The following MAGI1 variants were observed in gnomAD, a reference collection of about 807,000 sequenced individuals.
MAGI1 encodes membrane associated guanylate kinase, WW and PDZ domain containing 1.
MAGI1 carries 58 observed loss-of-function variants against 139.9 expected under a neutral mutation model. The ratio of observed to expected loss-of-function variants is 0.41; its 90% confidence interval spans 0.34 to 0.52. The LOEUF (loss-of-function observed/expected upper bound fraction) is 0.52, where lower values mean the gene tolerates loss of function less well. Among genes scored for constraint, MAGI1 ranks in the 20% least tolerant of loss-of-function variants. The pLI is 0.12. For synonymous variants in MAGI1, 812 were observed against 737.9 expected, an observed-to-expected ratio of 1.10 and a Z score of -1.63; for missense variants, 1,874 against 1,901.6, an observed-to-expected ratio of 0.99 and a Z score of 0.27.
chr3:65,424,332 A>C (rs1315543320), intron 12 of MAGI1, among the ~76,000 whole-genome samples: 1 of 144,434 alleles, frequency 6.9e-6, no homozygotes. Context: ...TGGTGGATCA[A>C]GTTTAATTTA....
At chr3:65,366,462 C>T (rs539852029) in intron 18 of MAGI1, among the ~76,000 whole-genome samples, 46 of 152,322 alleles carry the variant, frequency 3.0e-4, no homozygotes, top group African/African-American at 1.0e-3. Context: ...TTCCTATGCA[C>T]TCCTCTGAGT....
chr3:65,520,280 G>A (rs530312524), intron 2 of MAGI1, among the ~76,000 whole-genome samples: 1 of 152,272 alleles, frequency 6.6e-6, no homozygotes, highest in East Asian at 1.9e-4. Flanking sequence ...AAGAATTCAC[G>A]ATAGCTCAAA....
chr3:65,933,394 T>C (rs2062893536), intron 1 of MAGI1, among the ~76,000 whole-genome samples: 1 of 152,210 alleles, frequency 6.6e-6, no homozygotes, highest in South Asian at 2.1e-4. Context: ...TGGCTGCTGA[T>C]GAGAGACCCT....
intron 1 of MAGI1, among the ~76,000 whole-genome samples, chr3:65,809,511 A>G (rs1320675027): frequency 6.6e-6 from 1 of 152,208 alleles, no homozygotes; most frequent in African/African-American, 2.4e-5. Context: ...GGGGTGGGAA[A>G]GAACAATTTA....
chr3:65,359,744 A>G (rs79525171), intron 22 of MAGI1: 36,203 of 985,666 alleles, frequency 0.037, 803 homozygotes, highest in Non-Finnish European at 0.04. Context: ...TTGGAAAACC[A>G]TGTATTTAAA....
intron 1 of MAGI1, among the ~76,000 whole-genome samples, chr3:66,026,354 A>G (rs1437488497): frequency 6.6e-6 from 1 of 152,174 alleles, no homozygotes; most frequent in African/African-American, 2.4e-5. Context: ...CTGGCAGACA[A>G]CCATCTTAAA....
chr3:65,642,639 G>A (rs546660453), intron 1 of MAGI1, among the ~76,000 whole-genome samples: 25 of 152,116 alleles, frequency 1.6e-4, no homozygotes, highest in African/African-American at 3.4e-4. Flanking sequence ...AAAGTAAATC[G>A]GTTACATTTT....
At chr3:65,899,563 T>G (rs1244846755) in intron 1 of MAGI1, among the ~76,000 whole-genome samples, 1 of 152,126 alleles carries the variant, frequency 6.6e-6, no homozygotes, top group Non-Finnish European at 1.5e-5. Context: ...GTGACATAAC[T>G]GGGATAAAAA....
chr3:65,590,046 G>A (rs2081896853), intron 2 of MAGI1, among the ~76,000 whole-genome samples: 1 of 152,058 alleles, frequency 6.6e-6, no homozygotes, highest in African/African-American at 2.4e-5. Flanking sequence ...ACACATGGTT[G>A]CGTCCTCTTC....
intron 8 of MAGI1, 97 bp downstream of exon 8, chr3:65,442,695 G>C: frequency 1.3e-6 from 1 of 763,564 alleles, no homozygotes; most frequent in Middle Eastern, 2.4e-4. Context: ...TTGTTAATTG[G>C]TTTGTGCCTT....
chr3:65,601,142 A>C (rs1200519276), intron 2 of MAGI1, among the ~76,000 whole-genome samples: 1 of 152,228 alleles, frequency 6.6e-6, no homozygotes, highest in Non-Finnish European at 1.5e-5. Context: ...GATTCCCTCT[A>C]AATGCTTGCT....
intron 1 of MAGI1, among the ~76,000 whole-genome samples, chr3:65,943,368 G>GT (rs2063401994): frequency 6.6e-6 from 1 of 152,118 alleles, no homozygotes; most frequent in East Asian, 1.9e-4. Flanking sequence ...GAGGTCAGGA[G>GT]TTTGAGACCA....
intron 1 of MAGI1, among the ~76,000 whole-genome samples, chr3:65,660,493 T>C (rs1287532420): frequency 6.6e-6 from 1 of 152,212 alleles, no homozygotes; most frequent in Non-Finnish European, 1.5e-5. Flanking sequence ...CATTGATTAG[T>C]CTTCTACAGG....
chr3:65,826,754 TCCATAAACCCTTTG>T (rs11270680), intron 1 of MAGI1, among the ~76,000 whole-genome samples: 3,926 of 152,286 alleles, frequency 0.026, 155 homozygotes, highest in African/African-American at 0.089. Flanking sequence ...TCTCAGATCC[TCCATAAACCCTTTG>T]TAGTGGGTTT....
At chr3:65,859,304 A>C (rs535041538) in intron 1 of MAGI1, among the ~76,000 whole-genome samples, 1 of 152,130 alleles carries the variant, frequency 6.6e-6, no homozygotes, top group South Asian at 2.1e-4. Context: ...CAAAAAAAAA[A>C]GAGCTAAACT....
At chr3:65,458,511 TG>T (rs1380248003) in intron 5 of MAGI1, among the ~76,000 whole-genome samples, 2 of 152,118 alleles carry the variant, frequency 1.3e-5, no homozygotes, top group African/African-American at 4.8e-5. Flanking sequence ...CCATTTTAAC[TG>T]GGGTAAGATA....
In MAGI1 at chr3:65,363,530, T is replaced by C; in HGVS notation, c.3430A>G (p.Asn1144Asp). 1 of 1,614,142 alleles carries C rather than the reference T, an allele frequency of 6.2e-7. No homozygotes were observed. Among genetic ancestry groups the C allele is most frequent in the Non-Finnish European group, 8.5e-7 (1 of 1,179,982 alleles). ...AAGCGCAGAACATAGAGGTCCATGT[T>C]ATACTCTCGGCCTCCTCGAAGGCTA... ...GFSLRGGREY[N>D]MDLYVLRLAE... Residue 1144 changes from asparagine to aspartate, a missense_variant, in exon 21 of 23, where the codon AAC becomes GAC. By Grantham distance (23) the Asn-to-Asp change is conservative. This residue lies in a region of MAGI1 where 653 missense variants were observed against 644.5 expected (regional missense o/e 1.01). Transcript: ENST00000402939.
rs116621195 is a variant in MAGI1 at position 65,563,717 on chromosome 3, C to T, written c.430+58255G>A. Among the ~76,000 whole-genome samples, 1,117 of 152,232 alleles carry T rather than the reference C, an allele frequency of 7.3e-3. 7 individuals carry two copies. Among genetic ancestry groups the T allele is most frequent in the Non-Finnish European group, 0.011 (778 of 68,024 alleles). ...AGCAGAGTAACCCTGGGTAAGGTTA[C>T]TCTGCTCTCTAAGATTCAATGTTCT... On this transcript the variant is annotated intron_variant, in intron 2 of 22. Coordinates refer to ENST00000402939, the MANE Select transcript of MAGI1 (RefSeq NM_001033057.2).
chr3:65,550,201 C>A (rs1355173005), intron 2 of MAGI1, among the ~76,000 whole-genome samples: 1 of 152,170 alleles, frequency 6.6e-6, no homozygotes, highest in Admixed American at 6.5e-5. Flanking sequence ...ATCTCACCCT[C>A]AAGAGACCCC....
Sources: gnomAD v4.1 joint callset for allele counts (sites outside exome capture counted in the v4.1 genomes callset) on GRCh38, gnomAD v4.1.1 for gene constraint, gnomAD v4.1.1 regional missense constraint, MANE v1.5 for transcripts, NCBI Gene and HGNC (gene_info 2026-07-23, HGNC 2026-07-21) for gene names.